Variants in XRCC4 observed in about 807,000 individuals in gnomAD.
The protein encoded by XRCC4 is DNA repair protein XRCC4.
In XRCC4, 28 loss-of-function variants were observed where a neutral mutation model predicts 39.1. That is an observed-to-expected ratio of 0.72 (90% CI 0.53 to 0.98). The LOEUF is 0.98. Ranked by LOEUF, XRCC4 falls within the 50% of genes least tolerant of loss-of-function variation. The pLI is 0.00. For missense variants in XRCC4, 350 were observed against 376.4 expected, an observed-to-expected ratio of 0.93 and a Z score of 0.58; for synonymous variants, 123 against 126.4, an observed-to-expected ratio of 0.97 and a Z score of 0.18.
intron 7 of XRCC4, among the ~76,000 whole-genome samples, chr5:83,297,624 T>G (rs1191245686): frequency 6.6e-6 from 1 of 151,886 alleles, no homozygotes; most frequent in Non-Finnish European, 1.5e-5. Flanking sequence ...TGAAATTTAT[T>G]AAATTTTAAA....
chr5:83,176,601 G>A (rs1749967780), intron 3 of XRCC4, among the ~76,000 whole-genome samples: 1 of 151,538 alleles, frequency 6.6e-6, no homozygotes, highest in Non-Finnish European at 1.5e-5. Context: ...GTAATTTTAA[G>A]ATACAATAGG....
intron 1 of XRCC4, 123 bp from the exon 2 acceptor site, chr5:83,104,787 A>C (rs947637738): frequency 1.3e-6 from 1 of 758,890 alleles, no homozygotes. Flanking sequence ...CCTATTATAC[A>C]GTTTTTTTGT....
At chr5:83,136,743 G>A (rs895936486) in intron 3 of XRCC4, among the ~76,000 whole-genome samples, 3 of 152,080 alleles carry the variant, frequency 2.0e-5, no homozygotes, top group African/African-American at 7.2e-5. Context: ...AAGACCTGCA[G>A]TACTCTTCAT....
intron 3 of XRCC4, among the ~76,000 whole-genome samples, chr5:83,121,893 C>G (rs1394277468): frequency 8.6e-6 from 1 of 116,030 alleles, no homozygotes; most frequent in Non-Finnish European, 1.9e-5. Flanking sequence ...GGTTGAAGTT[C>G]ATTTTTTATA....
chr5:83,190,811 A>G (rs557091745), intron 3 of XRCC4, among the ~76,000 whole-genome samples: 18 of 151,882 alleles, frequency 1.2e-4, no homozygotes, highest in Admixed American at 3.3e-4. Context: ...TTTAAAAAAC[A>G]TCTGTTTAAT....
intron 3 of XRCC4, among the ~76,000 whole-genome samples, chr5:83,192,317 A>ATTTTT: frequency 1.1e-5 from 1 of 93,906 alleles, no homozygotes; most frequent in African/African-American, 4.4e-5. Context: ...ATATATATAT[A>ATTTTT]TATTTTTTTG....
intron 7 of XRCC4, among the ~76,000 whole-genome samples, chr5:83,293,353 C>T (rs1004837991): frequency 1.3e-5 from 2 of 151,972 alleles, no homozygotes; most frequent in Admixed American, 1.3e-4. Flanking sequence ...TCAAGTTGGA[C>T]GTATAGAAGT....
At chr5:83,248,677 C>A (rs78512738) in intron 6 of XRCC4, among the ~76,000 whole-genome samples, 8,595 of 152,122 alleles carry the variant, frequency 0.057, 889 homozygotes, top group East Asian at 0.48. Flanking sequence ...TTCATAAATA[C>A]AAGATTTCAT....
intron 7 of XRCC4, among the ~76,000 whole-genome samples, chr5:83,268,615 A>G (rs1310359843): frequency 6.6e-6 from 1 of 152,134 alleles, no homozygotes; most frequent in Non-Finnish European, 1.5e-5. Context: ...GTTTGCTCCA[A>G]CCACAGGAAA....
intron 7 of XRCC4, among the ~76,000 whole-genome samples, chr5:83,326,282 T>C (rs1756257495): frequency 6.6e-6 from 1 of 152,130 alleles, no homozygotes; most frequent in Non-Finnish European, 1.5e-5. Flanking sequence ...CAATTTTTGC[T>C]TTTGTTGCAA....
chr5:83,142,335 A>G (rs1203116281), intron 3 of XRCC4, among the ~76,000 whole-genome samples: 1 of 83,352 alleles, frequency 1.2e-5, no homozygotes, highest in African/African-American at 6.0e-5. Flanking sequence ...TGAGGAAACT[A>G]ACTCTCAGTG....
At chr5:83,220,392 C>T (rs1215747373) in intron 6 of XRCC4, among the ~76,000 whole-genome samples, 2 of 152,098 alleles carry the variant, frequency 1.3e-5, no homozygotes, top group Non-Finnish European at 2.9e-5. Context: ...ACAAACAGCA[C>T]ATCTGGTCCC....
At chr5:83,184,064 A>C (rs556506728) in intron 3 of XRCC4, among the ~76,000 whole-genome samples, 2 of 152,158 alleles carry the variant, frequency 1.3e-5, no homozygotes, top group Non-Finnish European at 2.9e-5. Flanking sequence ...AAGTTTAAAA[A>C]AATTTTTAAT....
intron 6 of XRCC4, among the ~76,000 whole-genome samples, chr5:83,226,212 T>C (rs1486227191): frequency 2.0e-5 from 3 of 152,050 alleles, no homozygotes; most frequent in African/African-American, 7.2e-5. Context: ...GTAGATGTTG[T>C]AAGAGCTGCG....
chr5:83,217,358 C>CAAAAAAAAAAAAAAAA (rs59416363), intron 6 of XRCC4, among the ~76,000 whole-genome samples: 9 of 96,172 alleles, frequency 9.4e-5, no homozygotes, highest in African/African-American at 4.2e-4. Context: ...GACTCCGTCT[C>CAAAAAAAAAAAAAAAA]AAAAAAAAAA....
the XRCC4 span, among the ~76,000 whole-genome samples, chr5:83,374,239 G>A: frequency 6.6e-6 from 1 of 152,122 alleles, no homozygotes; most frequent in East Asian, 1.9e-4. Flanking sequence ...TGTTGTGGGA[G>A]GGACCCAGTG....
intron 7 of XRCC4, chr5:83,280,543 G>A (rs1027248489): frequency 1.5e-5 from 9 of 606,210 alleles, no homozygotes; most frequent in Non-Finnish European, 2.6e-5. Flanking sequence ...ATTCTGCACA[G>A]GCCCCTGCAC....
At chr5:83,086,043 T>G (rs1745166041) in intron 1 of XRCC4, among the ~76,000 whole-genome samples, 1 of 152,214 alleles carries the variant, frequency 6.6e-6, no homozygotes, top group African/African-American at 2.4e-5. Flanking sequence ...CCTAAAACAA[T>G]CTTAAGAACA....
intron 6 of XRCC4, among the ~76,000 whole-genome samples, chr5:83,244,893 A>G (rs948516277): frequency 2.6e-5 from 4 of 152,264 alleles, no homozygotes; most frequent in Non-Finnish European, 5.9e-5. Flanking sequence ...TAAGTTTGGC[A>G]TAGAATTAAA....
Sources: allele counts gnomAD v4.1 joint callset (sites outside exome capture counted in the v4.1 genomes callset), GRCh38; gene constraint gnomAD v4.1.1; transcripts MANE v1.5; gene names NCBI Gene and HGNC (gene_info 2026-07-23, HGNC 2026-07-21).